Variants in EHD3 observed in about 807,000 individuals in gnomAD.
The protein encoded by EHD3 is EH domain-containing protein 3.
Under a neutral mutation model 43.0 loss-of-function variants are expected in EHD3, and 17 were observed. That is an observed-to-expected ratio of 0.40 (90% CI 0.27 to 0.59). The LOEUF (loss-of-function observed/expected upper bound fraction) is 0.59, where lower values mean the gene tolerates loss of function less well. Among genes scored for constraint, EHD3 ranks in the 20% least tolerant of loss-of-function variants. EHD3 has a pLI of 0.49. For synonymous variants in EHD3, 313 were observed against 289.5 expected (o/e 1.08, Z -0.82); for missense variants, 594 against 705.6 (o/e 0.84, Z 1.79).
chr2:31,239,792 G>C (rs774890120), intron 1 of EHD3, among the ~76,000 whole-genome samples: 1 of 152,184 alleles, frequency 6.6e-6, no homozygotes, highest in Non-Finnish European at 1.5e-5. Flanking sequence ...AGCACCAGCT[G>C]TGCTCCAGGC....
rs140681035 is a variant in EHD3 at position 31,239,135 on chromosome 2, A to G, written c.227+4287A>G. On this transcript the variant is annotated intron_variant, in intron 1 of 5. Coordinates refer to ENST00000322054, the MANE Select transcript of EHD3 (RefSeq NM_014600.3). Reference sequence around the variant, plus strand: ...TGTGGCCGCACCAGCTCTCATCACCACCCTGACATCCCCACCCCAGGCATT... The same window carrying G: ...TGTGGCCGCACCAGCTCTCATCACCGCCCTGACATCCCCACCCCAGGCATT... Among the ~76,000 whole-genome samples the G allele has an allele frequency of 4.0e-3, 612 of 152,152 alleles. 1 individual carries two copies. Among genetic ancestry groups the G allele is most frequent in the African/African-American group, 0.014 (583 of 41,530 alleles).
Position 31,234,551 on chromosome 2 carries a change from CCTACGGGACAT to C in EHD3, c.-68_-58del. On this transcript the variant is annotated 5_prime_UTR_variant, in exon 1 of 6. Transcript: ENST00000322054. Reference sequence around the variant, plus strand: ...GCGGCTCGGAGCCCGGCGGACCGGTCCTACGGGACATCTTCCCCTGAGGAGGAGTCTTCCCC... The same window carrying C: ...GCGGCTCGGAGCCCGGCGGACCGGTCCTTCCCCTGAGGAGGAGTCTTCCCC... The C allele has an allele frequency of 1.3e-6, 2 of 1,559,152 alleles. No homozygotes were observed. Among genetic ancestry groups the C allele is most frequent in the Non-Finnish European group, 1.7e-6 (2 of 1,144,394 alleles).
rs1443845413 is a variant in EHD3 at position 31,243,454 on chromosome 2, TTCTTTC to T, written c.228-818_228-813del. ...TTTCTTTCTTTCTTTCTTTCTTTCT[TTCTTTC>T]TTTTTTTTTTTTTGAGACAGAGTTT... On this transcript the variant is annotated intron_variant, in intron 1 of 5. Coordinates refer to ENST00000322054, the MANE Select transcript of EHD3 (RefSeq NM_014600.3). Among the ~76,000 whole-genome samples, 153 of 118,462 alleles carry T rather than the reference TTCTTTC, an allele frequency of 1.3e-3. 5 individuals carry two copies. The highest frequency in any genetic ancestry group is 5.0e-3 in the African/African-American group (148 of 29,324). The allele number at this position is 118,462 out of a possible 152,430, so 77.7% of individuals were successfully genotyped here.
intron 2 of EHD3, among the ~76,000 whole-genome samples, chr2:31,247,212 G>A (rs1051086639): frequency 3.9e-5 from 6 of 152,124 alleles, no homozygotes; most frequent in Non-Finnish European, 7.4e-5. Flanking sequence ...GTTCCATTTA[G>A]GAAGTGGAAT....
In EHD3 at chr2:31,260,858, G is replaced by A; in HGVS notation, c.851G>A (p.Ser284Asn). The A allele has an allele frequency of 3.1e-6, 5 of 1,614,138 alleles. No individual in the cohort carries two copies. The highest frequency in any genetic ancestry group is 3.4e-6 in the Non-Finnish European group (4 of 1,180,018). Residue 284 changes from serine (S) to asparagine (N), a missense_variant, in exon 4 of 6, where the codon AGT becomes AAT. This residue lies in a region of EHD3 where 322 missense variants were observed against 348.0 expected (regional missense o/e 0.93). Coordinates refer to ENST00000322054, the MANE Select transcript of EHD3 (RefSeq NM_014600.3). This position sits in a 1 kb window ranked among gnomAD's most constrained non-coding sequence, Gnocchi z 4.6. ...CAGGACCTATTCAGGGACATCCAGA[G>A]TCTGCCCCGAAATGCTGCCCTGCGC... Reference protein sequence around the residue: ...EEQDLFRDIQSLPRNAALRKL... With the variant: ...EEQDLFRDIQNLPRNAALRKL...
intron 1 of EHD3, among the ~76,000 whole-genome samples, chr2:31,238,194 A>G (rs1003882794): frequency 3.3e-5 from 5 of 152,242 alleles, no homozygotes; most frequent in Non-Finnish European, 7.4e-5. Context: ...TCTGGGGTGG[A>G]TAAGTGCGTC....
chr2:31,243,452 CTTTCTTTCT>C (rs1558647352), intron 1 of EHD3, among the ~76,000 whole-genome samples: 1 of 34,818 alleles, frequency 2.9e-5, no homozygotes, highest in Non-Finnish European at 5.8e-5. Flanking sequence ...TTCTTTCTTT[CTTTCTTTCT>C]TTTTTTTTTT....
intron 3 of EHD3, among the ~76,000 whole-genome samples, chr2:31,250,235 A>G (rs915403228): frequency 1.2e-4 from 18 of 151,252 alleles, no homozygotes; most frequent in African/African-American, 4.4e-4. Flanking sequence ...ACCATGAGGG[A>G]TTATAGATGA....
Position 31,261,718 on chromosome 2 carries a change from C to T in EHD3, c.1080+5C>T, listed in dbSNP as rs375066519. The T allele has an allele frequency of 1.5e-5, 24 of 1,613,592 alleles. No homozygotes were observed. The highest frequency in any genetic ancestry group is 1.5e-4 in the African/African-American group (11 of 74,910). On this transcript the variant is annotated splice_donor_5th_base_variant and intron_variant, in intron 5 of 5. Transcript: ENST00000322054. ...CCCAATCTGAAGAGGATGCAGGTAG[C>T]GAGGGCTGGGGTCTCTAAGACAAGG...
In EHD3 at chr2:31,234,286, TCGGGGACCCCGGC is replaced by T. The variant is rs1310255313; in HGVS notation, c.-335_-323del. The T allele has an allele frequency of 2.9e-6, 1 of 344,374 alleles. No individual in the cohort carries two copies. The highest frequency in any genetic ancestry group is 5.5e-6 in the Non-Finnish European group (1 of 181,200). 21.3% of individuals were successfully genotyped at this position (344,374 alleles called of 1,614,324 possible). On this transcript the variant is annotated 5_prime_UTR_variant, in exon 1 of 6. Transcript: ENST00000322054. ...AGAGCAGGCGAGGGCTGGGGGCCGATCGGGGACCCCGGCTTGGGACCCCGGCATCTGGCAGTTT... is the reference window on the plus strand; with the variant it reads ...AGAGCAGGCGAGGGCTGGGGGCCGATTTGGGACCCCGGCATCTGGCAGTTT...
chr2:31,254,152 C>T (rs1186498004), intron 3 of EHD3, among the ~76,000 whole-genome samples: 2 of 152,144 alleles, frequency 1.3e-5, no homozygotes, highest in East Asian at 1.9e-4. Context: ...CTAGGGAACT[C>T]GGGTCTTCCT....
chr2:31,249,415 G>T lies in EHD3; in HGVS notation c.449G>T (p.Ser150Ile). The T allele has an allele frequency of 2.5e-6, 4 of 1,614,206 alleles. No homozygotes were observed. Among genetic ancestry groups the T allele is most frequent in the Non-Finnish European group, 2.5e-6 (3 of 1,180,026 alleles). Residue 150 changes from serine to isoleucine, a missense_variant, in exon 3 of 6, where the codon AGC becomes ATC. Ser to Ile is a moderately radical substitution (Grantham distance 142). Around this residue, in one of 3 missense-constraint regions of EHD3, gnomAD observed 243 missense variants for 296.7 expected, o/e 0.82. Transcript: ENST00000322054. ...CCTAACCCTGTGCTGGAGAGCATCA[G>T]CGTCATCGACACACCAGGGATCCTC... Reference protein sequence around the residue: ...QLPNPVLESISVIDTPGILSG... With the variant: ...QLPNPVLESIIVIDTPGILSG...
At position 31,260,245 on chromosome 2, in the gene EHD3, G is replaced by A. The variant is rs368715173; in HGVS notation, c.503-265G>A. On this transcript the variant is annotated intron_variant, in intron 3 of 5. Transcript: ENST00000322054. The surrounding 1 kb of genome is among the most constrained non-coding windows in gnomAD (Gnocchi z 4.6). ...ATTTACTGAGCACCTACTAAGTGCC[G>A]GATTCTAAGAGTATTTAATCTTCAT... Among the ~76,000 whole-genome samples the A allele has an allele frequency of 1.3e-5, 2 of 152,028 alleles. No homozygotes were observed. The highest frequency in any genetic ancestry group is 2.4e-5 in the African/African-American group (1 of 41,402).
chr2:31,266,476 C>A lies in EHD3; in HGVS notation c.1380C>A (p.Gly460=). The part of the protein sequence containing the change: ...EIFYTLSPVD[G]KITGANAKKE... ...TCTACACCCTGTCACCGGTGGATGGCAAGATCACAGGCGCTAATGCCAAGA... is the reference window on the plus strand; with the variant it reads ...TCTACACCCTGTCACCGGTGGATGGAAAGATCACAGGCGCTAATGCCAAGA... The change falls in exon 6 of 6, where the codon GGC becomes GGA. Residue 460 remains glycine (G), a synonymous_variant. Coordinates refer to ENST00000322054, the MANE Select transcript of EHD3 (RefSeq NM_014600.3). This position sits in a 1 kb window ranked among gnomAD's most constrained non-coding sequence, Gnocchi z 5.1. 3.1e-6 allele frequency: 5 copies of A among 1,614,146 alleles called. No homozygotes were observed. Among genetic ancestry groups the A allele is most frequent in the Non-Finnish European group, 4.2e-6 (5 of 1,180,030 alleles).
At chr2:31,258,375 TG>T (rs1178130877) in intron 3 of EHD3, among the ~76,000 whole-genome samples, 2 of 152,136 alleles carry the variant, frequency 1.3e-5, no homozygotes, top group African/African-American at 2.4e-5. Flanking sequence ...TGTACCCCAC[TG>T]GGTGTTCACT....
chr2:31,261,515 G>A (rs764381293), intron 4 of EHD3, 34 bp from the exon 5 acceptor site: 3 of 1,612,838 alleles, frequency 1.9e-6, no homozygotes, highest in Non-Finnish European at 2.5e-6. Flanking sequence ...CCAGGGTCTT[G>A]ATGTGAAGGC....
At chr2:31,242,827 G>C (rs1683447606) in intron 1 of EHD3, among the ~76,000 whole-genome samples, 1 of 152,136 alleles carries the variant, frequency 6.6e-6, no homozygotes, top group African/African-American at 2.4e-5. Context: ...GGGCGTGGTG[G>C]CGGCTGCCTG....
chr2:31,261,115 C>T (rs999631990), intron 4 of EHD3, among the ~76,000 whole-genome samples, 193 bp downstream of exon 4: 2 of 152,248 alleles, frequency 1.3e-5, no homozygotes, highest in Non-Finnish European at 2.9e-5. Flanking sequence ...CCATTGTTTA[C>T]TGTCTGTGGG....
At chr2:31,236,452 G>A (rs1683325738) in intron 1 of EHD3, among the ~76,000 whole-genome samples, 1 of 152,196 alleles carries the variant, frequency 6.6e-6, no homozygotes, top group Non-Finnish European at 1.5e-5. Context: ...TTGGACTTTA[G>A]GGTGGGAACC....
Sources: allele counts gnomAD v4.1 joint callset (sites outside exome capture counted in the v4.1 genomes callset), GRCh38; gene constraint gnomAD v4.1.1; regional missense constraint gnomAD v4.1.1; non-coding constraint Gnocchi (gnomAD v3.1); transcripts MANE v1.5; gene names NCBI Gene and HGNC (gene_info 2026-07-23, HGNC 2026-07-21).